RGMA: variants seen among roughly 807,000 people sequenced by gnomAD.
RGMA encodes the protein repulsive guidance molecule BMP co-receptor a.
RGMA carries 10 observed loss-of-function variants against 23.2 expected under a neutral mutation model. The observed-to-expected ratio is 0.43, with a 90% CI of 0.27 to 0.73. RGMA has a LOEUF of 0.73. RGMA is among the 30% of genes least tolerant of loss of function. The probability of loss-of-function intolerance (pLI) is 0.20; values close to 1 mark genes in which losing one functional copy is unlikely to be tolerated. For synonymous variants in RGMA, 308 were observed against 279.3 expected (o/e 1.10, Z -1.03); for missense variants, 547 against 630.5 (o/e 0.87, Z 1.42).
intron 3 of RGMA, among the ~76,000 whole-genome samples, chr15:93,047,890 A>G (rs1444256715): frequency 6.6e-6 from 1 of 152,192 alleles, no homozygotes; most frequent in African/African-American, 2.4e-5. Flanking sequence ...CTGATGGGGA[A>G]GGGCAGGCAG....
At chr15:93,064,005 C>A (rs753181070) in intron 2 of RGMA, among the ~76,000 whole-genome samples, 8 of 152,212 alleles carry the variant, frequency 5.3e-5, no homozygotes, top group Non-Finnish European at 1.0e-4. Flanking sequence ...AGTGGCTACA[C>A]GAAACCACAC....
intron 2 of RGMA, among the ~76,000 whole-genome samples, chr15:93,070,312 C>T (rs920290304): frequency 1.3e-5 from 2 of 152,226 alleles, no homozygotes; most frequent in African/African-American, 4.8e-5. Flanking sequence ...CTCCTGGCAG[C>T]CATTCAAGCT....
At chr15:93,072,344 CA>C (rs997658369) in intron 2 of RGMA, among the ~76,000 whole-genome samples, 1 of 152,198 alleles carries the variant, frequency 6.6e-6, no homozygotes, top group Admixed American at 6.5e-5. Context: ...TAAAAACAAA[CA>C]GGGGGCGACG....
At chr15:93,054,741 GGGGCACT>G (rs1383782296) in intron 2 of RGMA, among the ~76,000 whole-genome samples, 1 of 152,166 alleles carries the variant, frequency 6.6e-6, no homozygotes, top group Non-Finnish European at 1.5e-5. Context: ...AGATACGTGG[GGGGCACT>G]GGTGAGATGC....
At chr15:93,069,234 C>G (rs552250281) in intron 2 of RGMA, among the ~76,000 whole-genome samples, 3 of 152,164 alleles carry the variant, frequency 2.0e-5, no homozygotes, top group Non-Finnish European at 4.4e-5. Context: ...CTCAGCCTCC[C>G]GAGTAGCTGG....
Position 93,045,356 on chromosome 15 carries a change from G to C in RGMA, c.995C>G (p.Thr332Ser). 2 of 1,612,568 alleles carry C rather than the reference G, an allele frequency of 1.2e-6. No homozygotes were observed. Among genetic ancestry groups the C allele is most frequent in the Non-Finnish European group, 1.7e-6 (2 of 1,179,706 alleles). Residue 332 changes from threonine to serine, a missense_variant, in exon 4 of 4, where the codon ACC becomes AGC. Physicochemically the swap from Thr to Ser is moderately conservative, Grantham distance 58. This residue lies in a region of RGMA where 205 missense variants were observed against 204.1 expected (regional missense o/e 1.00). Transcript: ENST00000329082. The surrounding 1 kb of genome is among the most constrained non-coding windows in gnomAD (Gnocchi z 6.9). ...NQQIDFQAFH[T>S]NAEGTGARRL... ...GCGGGCACCGGTGCCCTCAGCATTGGTGTGGAAGGCCTGGAAGTCGATCTG... is the reference window on the plus strand; with the variant it reads ...GCGGGCACCGGTGCCCTCAGCATTGCTGTGGAAGGCCTGGAAGTCGATCTG...
chr15:93,074,793 G>A (rs556180823), intron 1 of RGMA, among the ~76,000 whole-genome samples: 26 of 152,328 alleles, frequency 1.7e-4, no homozygotes, highest in African/African-American at 5.1e-4. Context: ...AGCGGCCACC[G>A]GGGCACGCTA....
At chr15:93,047,950 G>C (rs558048672) in intron 3 of RGMA, among the ~76,000 whole-genome samples, 6 of 152,330 alleles carry the variant, frequency 3.9e-5, no homozygotes, top group Admixed American at 3.9e-4. Flanking sequence ...CAGGAAGGTG[G>C]AAGGTGGGGT....
intron 2 of RGMA, among the ~76,000 whole-genome samples, chr15:93,063,837 G>A (rs1895051094): frequency 6.6e-6 from 1 of 152,204 alleles, no homozygotes; most frequent in African/African-American, 2.4e-5. Flanking sequence ...TGACTGTGGA[G>A]GTGGGGGTCA....
At chr15:93,071,373 T>C (rs1361677147) in intron 2 of RGMA, among the ~76,000 whole-genome samples, 2 of 152,056 alleles carry the variant, frequency 1.3e-5, no homozygotes, top group East Asian at 3.9e-4. Context: ...ACACTGGGGG[T>C]GAGGAGAGGG....
intron 2 of RGMA, chr15:93,066,425 C>G: frequency 1.6e-6 from 1 of 643,734 alleles, no homozygotes; most frequent in Non-Finnish European, 2.9e-6. Flanking sequence ...TCCAAGGCCG[C>G]CGTCGTTGCC....
intron 1 of RGMA, among the ~76,000 whole-genome samples, chr15:93,073,384 G>A (rs1281685171): frequency 6.6e-6 from 1 of 152,058 alleles, no homozygotes; most frequent in East Asian, 1.9e-4. Context: ...CTAGATCAGA[G>A]GGCGCGCCAC....
At chr15:93,076,433 C>CT (rs1350241302) in intron 1 of RGMA, among the ~76,000 whole-genome samples, 1 of 152,124 alleles carries the variant, frequency 6.6e-6, no homozygotes, top group Non-Finnish European at 1.5e-5. Flanking sequence ...AATCTAGGGC[C>CT]TGAGTCATCA....
At chr15:93,063,640 C>T (rs1177689044) in intron 2 of RGMA, among the ~76,000 whole-genome samples, 1 of 152,226 alleles carries the variant, frequency 6.6e-6, no homozygotes, top group Non-Finnish European at 1.5e-5. Context: ...TACCTTTAAC[C>T]TACAAGCAGC....
intron 1 of RGMA, among the ~76,000 whole-genome samples, chr15:93,084,766 C>G (rs554639858): frequency 3.9e-5 from 6 of 152,260 alleles, no homozygotes; most frequent in South Asian, 4.2e-4. Context: ...AACCACCGTG[C>G]CTGGCTATCT....
rs2054658854 is a variant in RGMA, at chr15:93,036,195, T to C, written c.*8803A>G. 6.6e-6 allele frequency: 1 copy of C among 152,248 alleles called. No individual in the cohort carries two copies. Among genetic ancestry groups the C allele is most frequent in the African/African-American group, 2.4e-5 (1 of 41,456 alleles). The allele number at this position is 152,248 out of a possible 1,614,324, so 9.4% of individuals were successfully genotyped here. A position where few individuals can be genotyped will look rare whatever the true frequency, so the allele number is the denominator to read the frequency against. On this transcript the variant is annotated 3_prime_UTR_variant, in exon 4 of 4. Transcript: ENST00000329082. Reference sequence around the variant, plus strand: ...ACAGCTGTACTGCCGACATCAAGCATAGCCCCCCAGCTCATCACGGGGCCT... The same window carrying C: ...ACAGCTGTACTGCCGACATCAAGCACAGCCCCCCAGCTCATCACGGGGCCT...
chr15:93,050,083 A>G (rs17526242), intron 3 of RGMA, among the ~76,000 whole-genome samples: 49,684 of 152,060 alleles, frequency 0.33, 8,932 homozygotes, highest in East Asian at 0.78. Context: ...TGGGCTCCCC[A>G]GTTCTCTGGA....
intron 2 of RGMA, among the ~76,000 whole-genome samples, chr15:93,059,273 A>T (rs1459382921): frequency 6.6e-6 from 1 of 152,200 alleles, no homozygotes; most frequent in East Asian, 1.9e-4. Flanking sequence ...ATCTGGTCTC[A>T]GGGCAGTAAC....
rs148282906 is a variant in RGMA at position 93,070,561 on chromosome 15, G to C, written c.130+2355C>G. Among the ~76,000 whole-genome samples, 5 of 152,324 alleles carry C rather than the reference G, an allele frequency of 3.3e-5. No individual in the cohort carries two copies. The East Asian group carries it at 9.6e-4, about 29-fold the overall frequency. On this transcript the variant is annotated intron_variant, in intron 2 of 3. Coordinates refer to ENST00000329082, the MANE Select transcript of RGMA (RefSeq NM_020211.3). Reference sequence around the variant, plus strand: ...TCAAAGAATGGGACAGTCTCTCTCTGTTGTGGAAATTTCCCATTTCATCCC... The same window carrying C: ...TCAAAGAATGGGACAGTCTCTCTCTCTTGTGGAAATTTCCCATTTCATCCC...
Sources: allele counts gnomAD v4.1 joint callset (sites outside exome capture counted in the v4.1 genomes callset), GRCh38; gene constraint gnomAD v4.1.1; regional missense constraint gnomAD v4.1.1; non-coding constraint Gnocchi (gnomAD v3.1); transcripts MANE v1.5; gene names NCBI Gene and HGNC (gene_info 2026-07-23, HGNC 2026-07-21).